NBEAL2: variants seen among roughly 807,000 people sequenced by gnomAD.
NBEAL2 encodes neurobeachin like 2, also known as neurobeachin-like protein 2.
NBEAL2 carries 160 observed loss-of-function variants against 299.8 expected under a neutral mutation model. That is an observed-to-expected ratio of 0.53 (90% CI 0.47 to 0.61). NBEAL2 has a LOEUF of 0.61. NBEAL2 is among the 20% of genes least tolerant of loss of function. NBEAL2 has a pLI of 0.00. For missense variants in NBEAL2, 3,112 were observed against 3,649.0 expected (o/e 0.85, Z 3.79); for synonymous variants, 1,493 against 1,542.3 (o/e 0.97, Z 0.75).
rs754898066 is a variant in NBEAL2, at chr3:47,004,514, T to C, written c.6218T>C (p.Ile2073Thr). Residue 2073 changes from isoleucine to threonine, a missense_variant, in exon 38 of 54, where the codon ATA (isoleucine) becomes ACA (threonine). Transcript: ENST00000450053. The surrounding 1 kb of genome is among the most constrained non-coding windows in gnomAD (Gnocchi z 5.0). ...GLTQKWVQREISNFEYLMQLN... is the reference protein window; with the variant it reads ...GLTQKWVQRETSNFEYLMQLN... ...CCCCAGAAATGGGTACAGCGTGAGA[T>C]ATCCAACTTCGAGTACTTGATGCAA... is the stretch of plus-strand genomic sequence containing the variant. 4 of 1,613,662 alleles carry C rather than the reference T, an allele frequency of 2.5e-6. No homozygotes were observed. The highest frequency in any genetic ancestry group is 3.3e-5 in the Admixed American group (2 of 59,984).
rs371072275 is a variant in NBEAL2, at chr3:47,002,143, G to A, written c.5006G>A (p.Arg1669His). 1.4e-5 allele frequency: 22 copies of A among 1,550,208 alleles called. No individual in the cohort carries two copies. The highest frequency in any genetic ancestry group is 2.0e-5 in the Admixed American group (1 of 50,944). The change falls in exon 31 of 54, where the codon CGC becomes CAC. Residue 1669 changes from arginine to histidine, a missense_variant. Arg to His is a conservative substitution (Grantham distance 29). Coordinates refer to ENST00000450053, the MANE Select transcript of NBEAL2 (RefSeq NM_015175.3). ...ERCSWLVPLVRTLLDRAYEPL... is the reference protein window; with the variant it reads ...ERCSWLVPLVHTLLDRAYEPL... The stretch of plus-strand genomic sequence containing the variant: ...TGCTCCTGGCTGGTGCCACTGGTGC[G>A]CACGCTGCTAGACCGTGCCTATGAG...
chr3:46,987,314 CTG>C (rs2107278828), intron 1 of NBEAL2, among the ~76,000 whole-genome samples: 1 of 152,280 alleles, frequency 6.6e-6, no homozygotes, highest in African/African-American at 2.4e-5. Context: ...TGAGTGCTGA[CTG>C]TGATGTGTCC....
chr3:47,001,475 C>G lies in NBEAL2; in HGVS notation c.4644+37C>G. ...CAGAGAGGCGTGAGCCACATGAACA[C>G]TCATGTTCATGCAAGCCTGCAGGGA... is the stretch of plus-strand genomic sequence containing the variant. On this transcript the variant is annotated intron_variant, in intron 29 of 53. Transcript: ENST00000450053. This position sits in a 1 kb window ranked among gnomAD's most constrained non-coding sequence, Gnocchi z 6.1. 1 of 1,598,310 alleles carries G rather than the reference C, an allele frequency of 6.3e-7. No individual in the cohort carries two copies. The highest frequency in any genetic ancestry group is 1.1e-5 in the South Asian group (1 of 89,992).
In NBEAL2 at chr3:46,982,333, G is replaced by A. The variant is rs2035403116; in HGVS notation, c.51+2421G>A. 6.6e-6 allele frequency among the ~76,000 whole-genome samples: 1 copy of A among 152,172 alleles called. No homozygotes were observed. Among genetic ancestry groups the A allele is most frequent in the African/African-American group, 2.4e-5 (1 of 41,432 alleles). ...TCAGCAGTGAGAGCTGACATCAGCT[G>A]GCAAACCTGTTTCCCCAGTTGTGGG... On this transcript the variant is annotated intron_variant, in intron 1 of 53. Coordinates refer to ENST00000450053, the MANE Select transcript of NBEAL2 (RefSeq NM_015175.3). The surrounding 1 kb of genome is among the most constrained non-coding windows in gnomAD (Gnocchi z 4.2).
chr3:47,000,146 C>T lies in NBEAL2; in HGVS notation c.4047C>T (p.Leu1349=), dbSNP rs764092675. 5 of 1,613,852 alleles carry T rather than the reference C, an allele frequency of 3.1e-6. No homozygotes were observed. Among genetic ancestry groups the T allele is most frequent in the Admixed American group, 3.3e-5 (2 of 60,030 alleles). The change falls in exon 27 of 54, where the codon CTC becomes CTT. Residue 1349 remains leucine (L), a synonymous_variant. Transcript: ENST00000450053. The surrounding 1 kb of genome is among the most constrained non-coding windows in gnomAD (Gnocchi z 4.5). ...CPDPDGFYHA[L]SPFCTPFDLG... ...ACCCTGATGGCTTTTACCATGCTCT[C>T]TCCCCATTCTGCACGCCCTTTGACC...
Position 46,995,458 on chromosome 3 carries a change from G to A in NBEAL2, c.1723G>A (p.Ala575Thr), listed in dbSNP as rs1302000808. The change falls in exon 13 of 54, where the codon GCA (alanine) becomes ACA (threonine). Residue 575 changes from alanine to threonine, a missense_variant. By Grantham distance (58) the Ala-to-Thr change is moderately conservative. Around this residue, in one of 3 missense-constraint regions of NBEAL2, gnomAD observed 2,243 missense variants for 2,538.1 expected, o/e 0.88. Transcript: ENST00000450053. ...AGGCATGGCCAGGCACCAGGGTCCT[G>A]CACGTGCTCTGCGCTACTTTGACCT... ...LSGMARHQGP[A>T]RALRYFDLTP... is the part of the protein sequence containing the mutation. 6.2e-7 allele frequency: 1 copy of A among 1,612,756 alleles called. No homozygotes were observed. Among genetic ancestry groups the A allele is most frequent in the Non-Finnish European group, 8.5e-7 (1 of 1,179,902 alleles).
Position 46,991,873 on chromosome 3 carries a change from G to A in NBEAL2, c.959G>A (p.Arg320Gln), listed in dbSNP as rs764215700. The change falls in exon 9 of 54, where the codon CGG becomes CAG. Residue 320 changes from arginine (R) to glutamine (Q), a missense_variant. By Grantham distance (43) the Arg-to-Gln change is conservative (BLOSUM62 1). Transcript: ENST00000450053. This position sits in a 1 kb window ranked among gnomAD's most constrained non-coding sequence, Gnocchi z 6.2. ...CCCATGATGCTGGCATGTGAAGACCGGCCAGTGCTGCAAGCCACCTTCCTC... is the reference window on the plus strand; with the variant it reads ...CCCATGATGCTGGCATGTGAAGACCAGCCAGTGCTGCAAGCCACCTTCCTC... ...AIPMMLACED[R>Q]PVLQATFLSN... 4.4e-6 allele frequency: 7 copies of A among 1,602,286 alleles called. No homozygotes were observed. The highest frequency in any genetic ancestry group is 4.5e-5 in the East Asian group (2 of 44,372).
intron 11 of NBEAL2, 55 bp downstream of exon 11, chr3:46,994,075 C>T: frequency 3.3e-6 from 5 of 1,515,696 alleles, no homozygotes; most frequent in Admixed American, 1.9e-5. Flanking sequence ...TTCAACTGAC[C>T]ATATCCCCAG....
chr3:46,990,510 TC>T (rs1362535586), intron 6 of NBEAL2, among the ~76,000 whole-genome samples: 1 of 152,112 alleles, frequency 6.6e-6, no homozygotes, highest in Admixed American at 6.5e-5. Flanking sequence ...CTGTGCCTTC[TC>T]CCCTCCAACT....
intron 40 of NBEAL2, 39 bp downstream of exon 40, chr3:47,005,360 T>G: frequency 6.3e-7 from 1 of 1,592,262 alleles, no homozygotes. Flanking sequence ...AGGGGGCAGA[T>G]AAGGGGAGGA....
At chr3:46,987,888 C>T (rs1031185539) in intron 1 of NBEAL2, 1 of 628,630 alleles carries the variant, frequency 1.6e-6, no homozygotes, top group Non-Finnish European at 2.0e-6. Flanking sequence ...CCCCGGCCCC[C>T]CCACATCCCT....
In NBEAL2 at chr3:47,000,870, G is replaced by A; in HGVS notation, c.4306-131G>A. On this transcript the variant is annotated intron_variant, in intron 27 of 53. Coordinates refer to ENST00000450053, the MANE Select transcript of NBEAL2 (RefSeq NM_015175.3). The surrounding 1 kb of genome is among the most constrained non-coding windows in gnomAD (Gnocchi z 4.5). Reference sequence around the variant, plus strand: ...CCAGGCCCTTAGTGCCAGGCTCACTGTTAGCCAAATGCTCTGACTCCTGGG... The same window carrying A: ...CCAGGCCCTTAGTGCCAGGCTCACTATTAGCCAAATGCTCTGACTCCTGGG... 1.5e-6 allele frequency: 2 copies of A among 1,364,676 alleles called. No homozygotes were observed. The highest frequency in any genetic ancestry group is 2.5e-5 in the East Asian group (1 of 39,704). 84.5% of individuals were successfully genotyped at this position (1,364,676 alleles called of 1,614,324 possible).
At position 46,998,552 on chromosome 3, in the gene NBEAL2, C is replaced by G; in HGVS notation, c.3208C>G (p.Arg1070Gly). Residue 1070 changes from arginine to glycine, a missense_variant, in exon 22 of 54, where the codon CGC (arginine) becomes GGC (glycine). By Grantham distance (125) the Arg-to-Gly change is moderately radical (BLOSUM62 -2). Transcript: ENST00000450053. ...CGTCCAGTTTATCTTGGATGCTCTG[C>G]GCACCCACTACAGGTGAGGCCAGTG... is the stretch of plus-strand genomic sequence containing the variant. ...YGVQFILDAL[R>G]THYSPQRERP... is the part of the protein sequence containing the mutation. The G allele has an allele frequency of 6.2e-7, 1 of 1,610,786 alleles. No homozygotes were observed. Among genetic ancestry groups the G allele is most frequent in the Non-Finnish European group, 8.5e-7 (1 of 1,178,626 alleles).
At chr3:46,994,909 G>A in intron 12 of NBEAL2, 123 bp from the exon 13 acceptor site, 1 of 1,365,362 alleles carries the variant, frequency 7.3e-7, no homozygotes. Context: ...CACACAACCT[G>A]TGGGCAGGAT....
rs2037295833 is a variant in NBEAL2, at chr3:47,004,720, C to A, written c.6294+130C>A. Reference sequence around the variant, plus strand: ...TCAAGGGTAGATGTGCCAATGAAGACCTGGCCTCTGTTCCCTGCCAACCCC... The same window carrying A: ...TCAAGGGTAGATGTGCCAATGAAGAACTGGCCTCTGTTCCCTGCCAACCCC... On this transcript the variant is annotated intron_variant, in intron 38 of 53. Coordinates refer to ENST00000450053, the MANE Select transcript of NBEAL2 (RefSeq NM_015175.3). This position sits in a 1 kb window ranked among gnomAD's most constrained non-coding sequence, Gnocchi z 5.0. 2.8e-6 allele frequency: 3 copies of A among 1,066,680 alleles called. No individual in the cohort carries two copies. Among genetic ancestry groups the A allele is most frequent in the Non-Finnish European group, 1.4e-6 (1 of 709,356 alleles). The allele number at this position is 1,066,680 out of a possible 1,614,324, so 66.1% of individuals were successfully genotyped here.
rs1345316491 is a variant in NBEAL2 at position 47,007,223 on chromosome 3, GC to G, written c.7225-13del. 1.2e-6 allele frequency: 2 copies of G among 1,609,558 alleles called. No individual in the cohort carries two copies. Among genetic ancestry groups the G allele is most frequent in the East Asian group, 2.2e-5 (1 of 44,694 alleles). ...TTGCCTCTGCCAGAAACCCACCTCT[GC>G]CCCCTCCTGCCTGCAGGTGACTGTG... On this transcript the variant is annotated splice_polypyrimidine_tract_variant and intron_variant, in intron 46 of 53. Transcript: ENST00000450053.
rs1419806810 is a variant in NBEAL2 at position 47,001,594 on chromosome 3, T to G, written c.4645-95T>G. 4 of 1,578,634 alleles carry G rather than the reference T, an allele frequency of 2.5e-6. No homozygotes were observed. The East Asian group carries it at 9.0e-5, about 36-fold the overall frequency. On this transcript the variant is annotated intron_variant, in intron 29 of 53. Transcript: ENST00000450053. This position sits in a 1 kb window ranked among gnomAD's most constrained non-coding sequence, Gnocchi z 6.1. ...TGGACTTGCCTGTGTGCACAAACCC[T>G]ACCTGGCCCCCAGCGCAAACTTTAC...
intron 1 of NBEAL2, among the ~76,000 whole-genome samples, chr3:46,987,406 C>T (rs924009602): frequency 3.4e-4 from 52 of 152,242 alleles, no homozygotes; most frequent in Non-Finnish European, 5.9e-5. Flanking sequence ...CTTTTGGACT[C>T]AGCTGGTTAG....
chr3:46,996,243 G>T, intron 15 of NBEAL2, 28 bp from the exon 16 acceptor site: 1 of 1,601,080 alleles, frequency 6.2e-7, no homozygotes, highest in South Asian at 1.1e-5. Context: ...GCTGTGACCT[G>T]ACCGCTCCCC....
Sources: allele counts gnomAD v4.1 joint callset (sites outside exome capture counted in the v4.1 genomes callset), GRCh38; gene constraint gnomAD v4.1.1; regional missense constraint gnomAD v4.1.1; non-coding constraint Gnocchi (gnomAD v3.1); transcripts MANE v1.5; gene names NCBI Gene and HGNC (gene_info 2026-07-23, HGNC 2026-07-21).